Variants in DNAH17 observed in about 807,000 individuals in gnomAD.
DNAH17 encodes axonemal beta dynein heavy chain 17.
A neutral mutation model predicts 485.6 loss-of-function variants in DNAH17; 376 were observed. The observed-to-expected ratio is 0.77, with a 90% confidence interval of 0.71 to 0.84. The LOEUF (loss-of-function observed/expected upper bound fraction) is 0.84. DNAH17 is among the 40% of genes least tolerant of loss of function. DNAH17 has a pLI of 0.00. For synonymous variants in DNAH17, 3,031 were observed against 2,405.9 expected (o/e 1.26, Z -7.60); for missense variants, 6,370 against 5,839.3 (o/e 1.09, Z -2.96).
Position 78,570,935 on chromosome 17 carries a change from C to T in DNAH17, c.918+13G>A, listed in dbSNP as rs761249472. 2 of 1,573,028 alleles carry T rather than the reference C, an allele frequency of 1.3e-6. No homozygotes were observed. The highest frequency in any genetic ancestry group is 2.3e-5 in the South Asian group (2 of 85,600). On this transcript the variant is annotated intron_variant, in intron 6 of 80. Transcript: ENST00000389840. ...CCCTCCCCACCAAAGCCGGCTCTCCCTTGCCTGCGCACCATCGTGAAGTCG... is the reference window on the plus strand; with the variant it reads ...CCCTCCCCACCAAAGCCGGCTCTCCTTTGCCTGCGCACCATCGTGAAGTCG...
chr17:78,544,071 C>G, intron 16 of DNAH17, 74 bp from the exon 17 acceptor site: 1 of 1,599,200 alleles, frequency 6.3e-7, no homozygotes, highest in Non-Finnish European at 8.5e-7. Context: ...TTGCTGTGTG[C>G]TTTTGATGTG....
intron 11 of DNAH17, 45 bp downstream of exon 11, chr17:78,566,569 C>G (rs1365695448): frequency 5.9e-6 from 8 of 1,364,304 alleles, no homozygotes; most frequent in Admixed American, 1.9e-5. Context: ...TCCACCACCA[C>G]AGTGCCAGGC....
chr17:78,535,270 A>G (rs926913220), intron 19 of DNAH17, among the ~76,000 whole-genome samples: 9 of 152,172 alleles, frequency 5.9e-5, no homozygotes, highest in African/African-American at 2.2e-4. Context: ...TAGCGTCTGC[A>G]TAACTGGGGC....
chr17:78,494,099 C>T lies in DNAH17; in HGVS notation c.6345G>A (p.Glu2115=), dbSNP rs1307566456. 1.2e-6 allele frequency: 2 copies of T among 1,612,894 alleles called. No homozygotes were observed. The highest frequency in any genetic ancestry group is 1.3e-5 in the African/African-American group (1 of 75,042). The change falls in exon 41 of 81, where the codon GAG becomes GAA. Residue 2115 remains glutamate (E), a synonymous_variant. Transcript: ENST00000389840. ...DSFVLKVVQL[E]ELLQVRHSVF... is the part of the protein sequence containing the mutation. ...CGGAGTGGCGGACCTGCAGCAGCTCCTCCAGCTGCACCACCTTCAGCACGA... is the reference window on the plus strand; with the variant it reads ...CGGAGTGGCGGACCTGCAGCAGCTCTTCCAGCTGCACCACCTTCAGCACGA...
chr17:78,480,452 T>C (rs1306884537), intron 49 of DNAH17, among the ~76,000 whole-genome samples: 3 of 152,240 alleles, frequency 2.0e-5, no homozygotes, highest in African/African-American at 7.2e-5. Flanking sequence ...TGGATTTAAC[T>C]GCAATTTTAT....
rs143035494 is a variant in DNAH17 at position 78,552,711 on chromosome 17, A to T, written c.2273T>A (p.Phe758Tyr). 7.4e-6 allele frequency: 12 copies of T among 1,613,800 alleles called. No homozygotes were observed. The highest frequency in any genetic ancestry group is 1.0e-5 in the Non-Finnish European group (12 of 1,179,722). The part of the protein sequence containing the change: ...VKLLSAETTL[F>Y]WNGEGVFQYI... ...GGCCTCCGTACCTTCGCCATTCCAG[A>T]ATAATGTCGTTTCAGCGCTCAATAA... The change falls in exon 15 of 81, where the codon TTC becomes TAC. Residue 758 changes from phenylalanine to tyrosine, a missense_variant. Phe to Tyr is a conservative substitution (Grantham distance 22, BLOSUM62 3). Transcript: ENST00000389840.
rs771592316 is a variant in DNAH17 at position 78,476,750 on chromosome 17, A to G, written c.7993-17T>C. 1 of 1,609,208 alleles carries G rather than the reference A, an allele frequency of 6.2e-7. No homozygotes were observed. Among genetic ancestry groups the G allele is most frequent in the Non-Finnish European group, 8.5e-7 (1 of 1,177,700 alleles). ...TAAGAGTCCCTGCCCCAAACACAGGATGATCAGCACCGTCAGCTGTTACGA... is the reference window on the plus strand; with the variant it reads ...TAAGAGTCCCTGCCCCAAACACAGGGTGATCAGCACCGTCAGCTGTTACGA... On this transcript the variant is annotated splice_polypyrimidine_tract_variant and intron_variant, in intron 51 of 80. Coordinates refer to ENST00000389840, the MANE Select transcript of DNAH17 (RefSeq NM_173628.4).
chr17:78,452,235 T>C (rs887718182), intron 65 of DNAH17, among the ~76,000 whole-genome samples: 1 of 152,272 alleles, frequency 6.6e-6, no homozygotes, highest in Admixed American at 6.5e-5. Flanking sequence ...CATGCATCTC[T>C]GCATTTAAAG....
chr17:78,562,028 T>C (rs1182339646), intron 11 of DNAH17, 48 bp from the exon 12 acceptor site: 1 of 1,512,904 alleles, frequency 6.6e-7, no homozygotes. Flanking sequence ...CTCCTCCCCT[T>C]CCCCAGCCTG....
chr17:78,516,546 C>G (rs1018941298), intron 25 of DNAH17, among the ~76,000 whole-genome samples: 1 of 152,066 alleles, frequency 6.6e-6, no homozygotes, highest in South Asian at 2.1e-4. Context: ...AAAAATTAGC[C>G]GGGCGTGATG....
At chr17:78,425,756 C>CTTTTTTTTTTTTTTTTTTTTT (rs71160294) in intron 79 of DNAH17, among the ~76,000 whole-genome samples, 185 bp from the exon 80 acceptor site, 5 of 120,770 alleles carry the variant, frequency 4.1e-5, no homozygotes, top group African/African-American at 1.9e-4. Flanking sequence ...TTGGTGTCTG[C>CTTTTTTTTTTTTTTTTTTTTT]TTTTTTTTTT....
chr17:78,505,031 G>A (rs1031022895), intron 31 of DNAH17, among the ~76,000 whole-genome samples: 9 of 147,664 alleles, frequency 6.1e-5, no homozygotes, highest in Non-Finnish European at 1.3e-4. Flanking sequence ...TCAGCCTCCC[G>A]AACAGGGCTT....
At chr17:78,523,612 A>C (rs80149827) in intron 25 of DNAH17, among the ~76,000 whole-genome samples, 2 of 152,372 alleles carry the variant, frequency 1.3e-5, no homozygotes, top group Admixed American at 1.3e-4. Context: ...ATAGATGTCA[A>C]ATAAGCCCAT....
chr17:78,555,354 T>G (rs2091996582), intron 14 of DNAH17, among the ~76,000 whole-genome samples: 1 of 151,936 alleles, frequency 6.6e-6, no homozygotes, highest in Admixed American at 6.6e-5. Context: ...AGTGTGCTCG[T>G]GACTAAATCA....
rs573776368 is a variant in DNAH17, at chr17:78,462,762, C to T, written c.9174+82G>A. On this transcript the variant is annotated intron_variant, in intron 57 of 80. Coordinates refer to ENST00000389840, the MANE Select transcript of DNAH17 (RefSeq NM_173628.4). ...GTGCTGAGCCCCAGTGTGACCAGCC[C>T]GTGGATGCCTGTGACAGTAGCAGCT... 224 of 1,403,356 alleles carry T rather than the reference C, an allele frequency of 1.6e-4. No homozygotes were observed. The East Asian group carries it at 1.9e-3, about 12-fold the overall frequency. 86.9% of individuals were successfully genotyped at this position (1,403,356 alleles called of 1,614,324 possible). A position where few individuals can be genotyped will look rare whatever the true frequency, so the allele number is the denominator to read the frequency against.
rs1307175085 is a variant in DNAH17 at position 78,567,089 on chromosome 17, C to T, written c.1362G>A (p.Gly454=). 2 of 1,613,188 alleles carry T rather than the reference C, an allele frequency of 1.2e-6. No individual in the cohort carries two copies. The highest frequency in any genetic ancestry group is 1.7e-6 in the Non-Finnish European group (2 of 1,179,646). Residue 454 remains glycine, a synonymous_variant, in exon 10 of 81, where the codon GGG becomes GGA. Transcript: ENST00000389840. ...ELGGVRGNLL[G]SLVTRIYDEV... ...CATCATAGATACGGGTCACCAGGCT[C>T]CCGAGGAGGTTCCCACGCACGCCCC...
At chr17:78,488,649 A>C (rs1770909109) in intron 44 of DNAH17, among the ~76,000 whole-genome samples, 2 of 152,152 alleles carry the variant, frequency 1.3e-5, no homozygotes, top group South Asian at 4.1e-4. Context: ...GTGGTGCTAC[A>C]AAAGAATGTC....
intron 65 of DNAH17, 100 bp from the exon 66 acceptor site, chr17:78,451,773 C>T (rs1049785617): frequency 1.7e-5 from 16 of 962,512 alleles, no homozygotes; most frequent in Non-Finnish European, 2.3e-5. Context: ...GGCCAGGCCG[C>T]CACCTTGAAC....
chr17:78,451,519 G>C lies in DNAH17; in HGVS notation c.10684C>G (p.Leu3562Val), dbSNP rs772270560. ...LVTRDGLEDQ[L>V]LAAVVAKERP... ...TCTTTGGCCACCACAGCGGCCAAGA[G>C]TTGGTCCTCGAGTCCATCCCTGGTG... Residue 3562 changes from leucine to valine, a missense_variant, in exon 66 of 81, where the codon CTC becomes GTC. Coordinates refer to ENST00000389840, the MANE Select transcript of DNAH17 (RefSeq NM_173628.4). 4 of 1,613,722 alleles carry C rather than the reference G, an allele frequency of 2.5e-6. No individual in the cohort carries two copies. Among genetic ancestry groups the C allele is most frequent in the Non-Finnish European group, 3.4e-6 (4 of 1,179,814 alleles).
Sources: allele counts gnomAD v4.1 joint callset (sites outside exome capture counted in the v4.1 genomes callset), GRCh38; gene constraint gnomAD v4.1.1; transcripts MANE v1.5; gene names NCBI Gene and HGNC (gene_info 2026-07-23, HGNC 2026-07-21).